Variants in BMPER observed in about 807,000 individuals in gnomAD.
BMPER encodes the protein BMP-binding endothelial regulator protein.
Under a neutral mutation model 87.3 loss-of-function variants are expected in BMPER, and 45 were observed. The ratio of observed to expected loss-of-function variants is 0.52; its 90% CI spans 0.41 to 0.66. The LOEUF is 0.66. Ranked by LOEUF, BMPER falls within the 30% of genes least tolerant of loss-of-function variation. The pLI is 0.00. For synonymous variants in BMPER, 326 were observed against 316.2 expected (o/e 1.03, Z -0.33); for missense variants, 784 against 867.5 (o/e 0.90, Z 1.21).
At chr7:34,063,879 C>T (rs981389714) in intron 11 of BMPER, among the ~76,000 whole-genome samples, 18 of 152,250 alleles carry the variant, frequency 1.2e-4, no homozygotes, top group African/African-American at 3.9e-4. Context: ...AGACAGACCT[C>T]ATAGGAATGC....
At chr7:34,061,626 T>A (rs185517875) in intron 10 of BMPER, among the ~76,000 whole-genome samples, 1 of 152,312 alleles carries the variant, frequency 6.6e-6, no homozygotes, top group African/African-American at 2.4e-5. Context: ...GGTTGACAGA[T>A]AATTCTCATT....
At chr7:34,123,378 C>A (rs1790311366) in intron 13 of BMPER, among the ~76,000 whole-genome samples, 1 of 152,156 alleles carries the variant, frequency 6.6e-6, no homozygotes, top group South Asian at 2.1e-4. Context: ...GAATCAAGGA[C>A]TCCTAGAGAT....
intron 14 of BMPER, among the ~76,000 whole-genome samples, 199 bp downstream of exon 14, chr7:34,143,559 A>G (rs1790933952): frequency 6.6e-6 from 1 of 152,228 alleles, no homozygotes; most frequent in South Asian, 2.1e-4. Flanking sequence ...CACTTAAGAT[A>G]AATGCTTTGT....
At chr7:33,946,383 A>G (rs1272845203) in intron 3 of BMPER, among the ~76,000 whole-genome samples, 1 of 152,204 alleles carries the variant, frequency 6.6e-6, no homozygotes, top group Non-Finnish European at 1.5e-5. Flanking sequence ...GCAAGGAATC[A>G]GGGATGTGCC....
intron 13 of BMPER, among the ~76,000 whole-genome samples, chr7:34,088,072 A>C (rs1428732727): frequency 6.6e-6 from 1 of 152,298 alleles, no homozygotes; most frequent in East Asian, 1.9e-4. Flanking sequence ...TCTACAATGG[A>C]GGATGCTTAG....
At chr7:33,996,405 T>G (rs1249082353) in intron 6 of BMPER, among the ~76,000 whole-genome samples, 1 of 152,216 alleles carries the variant, frequency 6.6e-6, no homozygotes, top group Non-Finnish European at 1.5e-5. Context: ...CACTTTTATA[T>G]CAAACCCAAA....
intron 13 of BMPER, among the ~76,000 whole-genome samples, chr7:34,126,143 G>C (rs116644755): frequency 1.3e-4 from 20 of 152,350 alleles, no homozygotes; most frequent in African/African-American, 4.3e-4. Context: ...GTCAGGGAAT[G>C]AATGTCTCAG....
intron 13 of BMPER, among the ~76,000 whole-genome samples, chr7:34,104,698 G>A (rs1789774438): frequency 1.3e-5 from 2 of 152,144 alleles, no homozygotes; most frequent in Admixed American, 1.3e-4. Context: ...CATGGTGGCT[G>A]GTGAAGCCCC....
chr7:33,949,591 G>A (rs1784970766), intron 3 of BMPER, among the ~76,000 whole-genome samples: 2 of 151,120 alleles, frequency 1.3e-5, no homozygotes, highest in African/African-American at 4.9e-5. Context: ...CTCACTTCTA[G>A]TGCCACTGTG....
intron 13 of BMPER, among the ~76,000 whole-genome samples, chr7:34,092,519 G>A (rs1420331): frequency 0.27 from 40,702 of 152,034 alleles, 5,767 homozygotes; most frequent in Middle Eastern, 0.31. Flanking sequence ...TTACCTTGGC[G>A]TCACTCAGCA....
At chr7:34,056,154 C>T (rs763976334) in intron 9 of BMPER, among the ~76,000 whole-genome samples, 25 of 152,200 alleles carry the variant, frequency 1.6e-4, no homozygotes, top group South Asian at 6.2e-4. Flanking sequence ...CATGAAGTGT[C>T]GCATGGTCTC....
intron 13 of BMPER, among the ~76,000 whole-genome samples, chr7:34,128,140 G>A (rs948846279): frequency 4.6e-5 from 7 of 152,130 alleles, no homozygotes; most frequent in Admixed American, 3.9e-4. Flanking sequence ...AATGTATGCC[G>A]ATTCAAACAA....
At chr7:34,101,674 T>A (rs1789685881) in intron 13 of BMPER, among the ~76,000 whole-genome samples, 1 of 152,210 alleles carries the variant, frequency 6.6e-6, no homozygotes, top group South Asian at 2.1e-4. Context: ...TCATCCCTGC[T>A]CTCTGATTCC....
At chr7:33,911,327 G>A (rs1157710301) in intron 2 of BMPER, among the ~76,000 whole-genome samples, 3 of 152,200 alleles carry the variant, frequency 2.0e-5, no homozygotes, top group Admixed American at 1.3e-4. Context: ...AGCAAATCTC[G>A]TGAGATCACA....
At chr7:34,113,670 C>T (rs559486515) in intron 13 of BMPER, among the ~76,000 whole-genome samples, 1 of 151,900 alleles carries the variant, frequency 6.6e-6, no homozygotes, top group Non-Finnish European at 1.5e-5. Context: ...CTTCATCATG[C>T]GCCAGGTAGC....
At chr7:33,975,253 G>A (rs1318806607) in intron 6 of BMPER, among the ~76,000 whole-genome samples, 1 of 152,100 alleles carries the variant, frequency 6.6e-6, no homozygotes, top group African/African-American at 2.4e-5. Context: ...CAGCTGCTTG[G>A]TTCTTTAGTG....
At chr7:34,074,773 A>G (rs1463460709) in intron 11 of BMPER, among the ~76,000 whole-genome samples, 5 of 152,212 alleles carry the variant, frequency 3.3e-5, no homozygotes. Context: ...CAAAGTGAAA[A>G]AACATTTTAA....
At chr7:33,955,587 C>T (rs1039848701) in intron 3 of BMPER, among the ~76,000 whole-genome samples, 8 of 152,120 alleles carry the variant, frequency 5.3e-5, no homozygotes, top group African/African-American at 9.7e-5. Context: ...AAACATAGGC[C>T]GGCTTCATCC....
chr7:33,913,997 A>T (rs6951863), intron 2 of BMPER, among the ~76,000 whole-genome samples: 45,306 of 145,346 alleles, frequency 0.31, 7,750 homozygotes, highest in African/African-American at 0.45. Context: ...AGTCTCGCTC[A>T]GTTGCCCAGG....
Sources: gnomAD v4.1 joint callset for allele counts (sites outside exome capture counted in the v4.1 genomes callset) on GRCh38, gnomAD v4.1.1 for gene constraint, MANE v1.5 for transcripts, NCBI Gene and HGNC (gene_info 2026-07-23, HGNC 2026-07-21) for gene names.